Variants in SBNO1 observed in about 807,000 individuals in gnomAD.
SBNO1 encodes the protein protein strawberry notch homolog 1.
A neutral mutation model predicts 173.6 loss-of-function variants in SBNO1; 23 were observed. The observed-to-expected ratio is 0.13, with a 90% CI of 0.10 to 0.19. SBNO1 has a LOEUF of 0.19. Among genes scored for constraint, SBNO1 ranks in the 10% least tolerant of loss-of-function variants. SBNO1 has a pLI of 1.00. For missense variants in SBNO1, 1,238 were observed against 1,671.2 expected, an observed-to-expected ratio of 0.74 and a Z score of 4.52; for synonymous variants, 632 against 571.5, an observed-to-expected ratio of 1.11 and a Z score of -1.51.
Position 123,320,093 on chromosome 12 carries a change from C to A in SBNO1, c.2668-62G>T, listed in dbSNP as rs984296935. On this transcript the variant is annotated intron_variant, in intron 19 of 31. Coordinates refer to ENST00000602398, the MANE Select transcript of SBNO1 (RefSeq NM_001167856.3). ...CTGACTGCGGTGGATGGACTCAGTG[C>A]CTCTTTCCTTGAAGACACTTGGGAG... 5.1e-6 allele frequency: 8 copies of A among 1,574,050 alleles called. No homozygotes were observed. The Admixed American group carries it at 8.4e-5, about 17-fold the overall frequency.
In SBNO1 at chr12:123,294,936, A is replaced by AT. The variant is rs1393138244; in HGVS notation, c.*971_*972insA. 2.6e-5 allele frequency: 4 copies of AT among 152,338 alleles called. No homozygotes were observed. The highest frequency in any genetic ancestry group is 9.6e-5 in the African/African-American group (4 of 41,578). 9.4% of individuals were successfully genotyped at this position (152,338 alleles called of 1,614,324 possible). A position where few individuals can be genotyped will look rare whatever the true frequency, so the allele number is the denominator to read the frequency against. ...CCTCAAGTGTTTCCTCATTGTCTAC[A>AT]ACTCAGGTATGGTTTCCTTTTTATG... On this transcript the variant is annotated 3_prime_UTR_variant, in exon 32 of 32. Coordinates refer to ENST00000602398, the MANE Select transcript of SBNO1 (RefSeq NM_001167856.3).
intron 21 of SBNO1, 77 bp downstream of exon 21, chr12:123,317,144 T>A (rs988217536): frequency 3.3e-6 from 5 of 1,503,312 alleles, no homozygotes; most frequent in Non-Finnish European, 4.6e-6. Flanking sequence ...GGCCTAAACC[T>A]AGGTTTTGGT....
At chr12:123,340,931 T>C (rs1872489391) in intron 5 of SBNO1, 57 bp downstream of exon 5, 1 of 1,085,368 alleles carries the variant, frequency 9.2e-7, no homozygotes, top group Non-Finnish European at 1.4e-6. Flanking sequence ...AGAACACTTT[T>C]AGTTGAGTAC....
intron 2 of SBNO1, among the ~76,000 whole-genome samples, 159 bp downstream of exon 2, chr12:123,350,151 G>A (rs1873708513): frequency 1.3e-5 from 2 of 151,988 alleles, no homozygotes; most frequent in African/African-American, 2.4e-5. Context: ...CTACTTGGGG[G>A]GCTGAGGCAG....
In SBNO1 at chr12:123,334,065, T is replaced by C. The variant is rs762243647; in HGVS notation, c.897A>G (p.Thr299=). 4.4e-6 allele frequency: 7 copies of C among 1,584,582 alleles called. No homozygotes were observed. The highest frequency in any genetic ancestry group is 1.7e-4 in the Middle Eastern group (1 of 5,978). The change falls in exon 7 of 32, where the codon ACA becomes ACG. Residue 299 remains threonine, a synonymous_variant. Transcript: ENST00000602398. ...WLSALQLEAI[T]YAAQQHETFL... ...TATTATTGCTTACCTGGGCTGCATA[T>C]GTAATTGCCTCAAGCTGCAATGCTG...
chr12:123,319,878 G>T, intron 20 of SBNO1, 22 bp downstream of exon 20: 1 of 1,610,242 alleles, frequency 6.2e-7, no homozygotes, highest in South Asian at 1.1e-5. Flanking sequence ...TTTTCACTGA[G>T]AAGCATCTCA....
chr12:123,339,858 T>C (rs184325891), intron 5 of SBNO1, among the ~76,000 whole-genome samples: 106 of 152,256 alleles, frequency 7.0e-4, no homozygotes, highest in East Asian at 7.7e-4. Context: ...TTCCCACTTC[T>C]TTCTACAAGC....
intron 30 of SBNO1, among the ~76,000 whole-genome samples, chr12:123,299,371 AAAAACGAAAC>A (rs2048706906): frequency 6.6e-6 from 1 of 151,146 alleles, no homozygotes; most frequent in Non-Finnish European, 1.5e-5. Context: ...CTGTCTCAAA[AAAAACGAAAC>A]AAAACAAAAC....
At chr12:123,356,146 C>T (rs1212104670) in intron 1 of SBNO1, among the ~76,000 whole-genome samples, 1 of 152,138 alleles carries the variant, frequency 6.6e-6, no homozygotes, top group Non-Finnish European at 1.5e-5. Flanking sequence ...CAAATACTGG[C>T]TGCATTGCCC....
rs2048547428 is a variant in SBNO1, at chr12:123,293,949, C to G, written c.*1959G>C. 6.6e-6 allele frequency: 1 copy of G among 152,250 alleles called. No individual in the cohort carries two copies. Among genetic ancestry groups the G allele is most frequent in the Admixed American group, 6.5e-5 (1 of 15,272 alleles). 9.4% of individuals were successfully genotyped at this position (152,250 alleles called of 1,614,324 possible). A position where few individuals can be genotyped will look rare whatever the true frequency, so the allele number is the denominator to read the frequency against. On this transcript the variant is annotated 3_prime_UTR_variant, in exon 32 of 32. Coordinates refer to ENST00000602398, the MANE Select transcript of SBNO1 (RefSeq NM_001167856.3). ...GGGACACTTCCATTGCTGATGGAAGCTGCCTACTGCTTTTAAAAACACACA... is the reference window on the plus strand; with the variant it reads ...GGGACACTTCCATTGCTGATGGAAGGTGCCTACTGCTTTTAAAAACACACA...
rs1310071049 is a variant in SBNO1 at position 123,291,106 on chromosome 12, A to G, written c.*4802T>C. 6.6e-6 allele frequency: 1 copy of G among 152,184 alleles called. No individual in the cohort carries two copies. Among genetic ancestry groups the G allele is most frequent in the East Asian group, 1.9e-4 (1 of 5,202 alleles). 9.4% of individuals were successfully genotyped at this position (152,184 alleles called of 1,614,324 possible). A position where few individuals can be genotyped will look rare whatever the true frequency, so the allele number is the denominator to read the frequency against. ...ACACTAGGCCTGCCTCCTGCCTGCTATAAATATCCTCAACAGGTTATAAAC... is the reference window on the plus strand; with the variant it reads ...ACACTAGGCCTGCCTCCTGCCTGCTGTAAATATCCTCAACAGGTTATAAAC... On this transcript the variant is annotated 3_prime_UTR_variant, in exon 32 of 32. Coordinates refer to ENST00000602398, the MANE Select transcript of SBNO1 (RefSeq NM_001167856.3).
chr12:123,355,147 G>A (rs9300257), intron 1 of SBNO1, among the ~76,000 whole-genome samples: 144,770 of 151,996 alleles, frequency 0.95, 69,072 homozygotes, highest in Non-Finnish European at 0.96. Flanking sequence ...CAGCCTCCCA[G>A]GTGGCTGAAA....
chr12:123,298,159 G>A lies in SBNO1; in HGVS notation c.3858C>T (p.Cys1286=), dbSNP rs2048667126. The change falls in exon 31 of 32, where the codon TGC becomes TGT. Residue 1286 remains cysteine (C), a synonymous_variant. Coordinates refer to ENST00000602398, the MANE Select transcript of SBNO1 (RefSeq NM_001167856.3). ...TCTHAYWRGN[C]KKASLGLVCE... ...AAACTAGCCCCAAGCTTGCTTTTTT[G>A]CAATTGCCGCGCCTAAGAAAAATGG... is the stretch of plus-strand genomic sequence containing the variant. The A allele has an allele frequency of 3.7e-6, 6 of 1,612,256 alleles. No homozygotes were observed. The East Asian group carries it at 1.3e-4, about 36-fold the overall frequency.
At chr12:123,319,270 A>G (rs1345972074) in intron 20 of SBNO1, among the ~76,000 whole-genome samples, 1 of 151,628 alleles carries the variant, frequency 6.6e-6, no homozygotes, top group Non-Finnish European at 1.5e-5. Flanking sequence ...TGGAGAAAAC[A>G]CAGTATTTTT....
chr12:123,291,531 C>T lies in SBNO1; in HGVS notation c.*4377G>A, dbSNP rs1400719708. 1 of 152,000 alleles carries T rather than the reference C, an allele frequency of 6.6e-6. No homozygotes were observed. Among genetic ancestry groups the T allele is most frequent in the Non-Finnish European group, 1.5e-5 (1 of 68,008 alleles). 9.4% of individuals were successfully genotyped at this position (152,000 alleles called of 1,614,324 possible). On this transcript the variant is annotated 3_prime_UTR_variant, in exon 32 of 32. Coordinates refer to ENST00000602398, the MANE Select transcript of SBNO1 (RefSeq NM_001167856.3). ...ATCAGAAATGGCACTCAAGTGCATC[C>T]CCCCAGTACAATGCATTGCACACAA...
Position 123,304,681 on chromosome 12 carries a change from T to C in SBNO1, c.3669A>G (p.Glu1223=), listed in dbSNP as rs1378914825. 1.3e-6 allele frequency: 2 copies of C among 1,551,712 alleles called. No individual in the cohort carries two copies. Among genetic ancestry groups the C allele is most frequent in the Non-Finnish European group, 8.9e-7 (1 of 1,127,206 alleles). ...AGAAAAGTTTCTTTTTAGGATTCAC[T>C]TCTTTAACTAAGATGGCAGTTTTCT... ...NNKKTAILVK[E]VNPKKKLFLV... Residue 1223 remains glutamate, a synonymous_variant, in exon 29 of 32, where the codon GAA becomes GAG. Coordinates refer to ENST00000602398, the MANE Select transcript of SBNO1 (RefSeq NM_001167856.3).
At chr12:123,356,041 T>C (rs9739142) in intron 1 of SBNO1, among the ~76,000 whole-genome samples, 7,361 of 152,194 alleles carry the variant, frequency 0.048, 573 homozygotes, top group African/African-American at 0.17. Context: ...AACCAATCTC[T>C]ACAGCTCTGA....
chr12:123,359,285 C>A (rs1023342698), intron 1 of SBNO1, among the ~76,000 whole-genome samples: 1 of 150,994 alleles, frequency 6.6e-6, no homozygotes, highest in African/African-American at 2.4e-5. Flanking sequence ...CGGTGGCTCA[C>A]TCCTGTAATC....
intron 28 of SBNO1, among the ~76,000 whole-genome samples, chr12:123,308,367 A>G (rs1272896658): frequency 1.3e-5 from 2 of 152,118 alleles, no homozygotes; most frequent in Non-Finnish European, 2.9e-5. Flanking sequence ...CTTATGAAAA[A>G]TGCTTAATTT....
Sources: gnomAD v4.1 joint callset for allele counts (sites outside exome capture counted in the v4.1 genomes callset) on GRCh38, gnomAD v4.1.1 for gene constraint, MANE v1.5 for transcripts, NCBI Gene and HGNC (gene_info 2026-07-23, HGNC 2026-07-21) for gene names.